ZNF804A: variants seen among roughly 807,000 people sequenced by gnomAD.
The protein encoded by ZNF804A is zinc finger protein 804A.
In ZNF804A, 2 loss-of-function variants were observed where a neutral mutation model predicts 16.5. The ratio of observed to expected loss-of-function variants is 0.12; its 90% CI spans 0.05 to 0.38. The LOEUF (loss-of-function observed/expected upper bound fraction) is 0.38. Ranked by LOEUF, ZNF804A falls within the 10% of genes least tolerant of loss-of-function variation. ZNF804A has a pLI of 0.99. For synonymous variants in ZNF804A, 534 were observed against 489.6 expected, an observed-to-expected ratio of 1.09 and a Z score of -1.20; for missense variants, 1,473 against 1,390.7, an observed-to-expected ratio of 1.06 and a Z score of -0.94.
chr2:184,913,027 G>A (rs1364477346), intron 2 of ZNF804A, among the ~76,000 whole-genome samples: 3 of 151,988 alleles, frequency 2.0e-5, no homozygotes, highest in Non-Finnish European at 4.4e-5. Flanking sequence ...TGAAGATTTA[G>A]CCCTATAATC....
At chr2:184,672,285 G>A (rs1469190402) in intron 1 of ZNF804A, among the ~76,000 whole-genome samples, 2 of 152,178 alleles carry the variant, frequency 1.3e-5, no homozygotes, top group Non-Finnish European at 2.9e-5. Flanking sequence ...AAAGAAAAAT[G>A]AGAAACTGTA....
chr2:184,642,686 C>T (rs1559115460), intron 1 of ZNF804A, among the ~76,000 whole-genome samples: 1 of 152,074 alleles, frequency 6.6e-6, no homozygotes, highest in Non-Finnish European at 1.5e-5. Flanking sequence ...TGGCAACATC[C>T]CCAACTCATT....
intron 2 of ZNF804A, among the ~76,000 whole-genome samples, chr2:184,888,342 C>T (rs1183483117): frequency 6.6e-6 from 1 of 152,126 alleles, no homozygotes. Context: ...CATTTCCATT[C>T]TCTTCCTAGG....
chr2:184,896,367 C>T (rs1402986617), intron 2 of ZNF804A, among the ~76,000 whole-genome samples: 3 of 150,208 alleles, frequency 2.0e-5, no homozygotes, highest in Non-Finnish European at 2.9e-5. Context: ...TCATGTTATA[C>T]TCAGATAGGG....
intron 1 of ZNF804A, among the ~76,000 whole-genome samples, chr2:184,654,540 T>C (rs1017724273): frequency 6.6e-6 from 1 of 152,172 alleles, no homozygotes; most frequent in East Asian, 1.9e-4. Flanking sequence ...ATATTCAATG[T>C]CTCAGTGCCC....
chr2:184,938,028 AAACT>A lies in ZNF804A; in HGVS notation c.2633_2636del (p.Lys878SerfsTer20). ...AGAACAAACAAACCAATTAAGAAAC[AAACT>A]GTCTTTCCACCCTAACAATCTCCTT... is the stretch of plus-strand genomic sequence containing the variant. On this transcript the variant is annotated frameshift_variant, in exon 4 of 4. Coordinates refer to ENST00000302277, the MANE Select transcript of ZNF804A (RefSeq NM_194250.2). LOFTEE classifies it low-confidence loss of function (END_TRUNC). The A allele has an allele frequency of 1.2e-6, 2 of 1,614,080 alleles. No individual in the cohort carries two copies. Among genetic ancestry groups the A allele is most frequent in the Non-Finnish European group, 1.7e-6 (2 of 1,180,004 alleles).
chr2:184,743,659 C>G (rs900435656), intron 1 of ZNF804A, among the ~76,000 whole-genome samples: 5 of 151,464 alleles, frequency 3.3e-5, no homozygotes, highest in African/African-American at 1.2e-4. Context: ...AAAATATAGG[C>G]CTCTTTATTT....
intron 1 of ZNF804A, among the ~76,000 whole-genome samples, chr2:184,655,536 T>C (rs977038707): frequency 6.6e-6 from 1 of 152,186 alleles, no homozygotes; most frequent in Non-Finnish European, 1.5e-5. Flanking sequence ...CTTGGGTCTG[T>C]TTAATAGATT....
At chr2:184,756,391 G>C (rs183384272) in intron 1 of ZNF804A, among the ~76,000 whole-genome samples, 2 of 151,776 alleles carry the variant, frequency 1.3e-5, no homozygotes, top group African/African-American at 4.8e-5. Flanking sequence ...TTAAATTTGC[G>C]TAAATTTTAT....
rs1441080167 is a variant in ZNF804A at position 184,937,886 on chromosome 2, A to G, written c.2490A>G (p.Glu830=). The change falls in exon 4 of 4, where the codon GAA becomes GAG. Residue 830 remains glutamate, a synonymous_variant. Coordinates refer to ENST00000302277, the MANE Select transcript of ZNF804A (RefSeq NM_194250.2). ...GATTTGAAACTTTAGAACTCAAAGA[A>G]AATACAGATTATCCCGTGAAAGACA... ...HPGFETLELK[E]NTDYPVKDNS... The G allele has an allele frequency of 6.2e-7, 1 of 1,614,148 alleles. No homozygotes were observed. Among genetic ancestry groups the G allele is most frequent in the Admixed American group, 1.7e-5 (1 of 59,980 alleles).
intron 1 of ZNF804A, among the ~76,000 whole-genome samples, chr2:184,603,482 A>G (rs1280174110): frequency 6.6e-6 from 1 of 152,160 alleles, no homozygotes; most frequent in African/African-American, 2.4e-5. Flanking sequence ...AGTTTTCATT[A>G]TTGAATATAA....
intron 2 of ZNF804A, among the ~76,000 whole-genome samples, chr2:184,876,451 A>G (rs1558989962): frequency 6.6e-6 from 1 of 151,956 alleles, no homozygotes; most frequent in Non-Finnish European, 1.5e-5. Flanking sequence ...TATTTTAGCC[A>G]TTTAGAACAT....
At chr2:184,787,713 C>T (rs777609222) in intron 1 of ZNF804A, among the ~76,000 whole-genome samples, 1 of 151,458 alleles carries the variant, frequency 6.6e-6, no homozygotes, top group Non-Finnish European at 1.5e-5. Flanking sequence ...GTGCCTTTCT[C>T]GTTGACTTCT....
At chr2:184,731,718 C>T (rs925640155) in intron 1 of ZNF804A, among the ~76,000 whole-genome samples, 16 of 151,758 alleles carry the variant, frequency 1.1e-4, no homozygotes, top group South Asian at 8.4e-4. Context: ...TACAGGCATG[C>T]GCCACACTAC....
At chr2:184,878,159 G>T (rs1684740382) in intron 2 of ZNF804A, among the ~76,000 whole-genome samples, 1 of 152,028 alleles carries the variant, frequency 6.6e-6, no homozygotes. Context: ...CATTAATGTT[G>T]CCAAGAGTTT....
intron 1 of ZNF804A, among the ~76,000 whole-genome samples, chr2:184,806,558 G>A (rs1312404879): frequency 6.6e-6 from 1 of 151,582 alleles, no homozygotes; most frequent in Non-Finnish European, 1.5e-5. Context: ...TAAAATAATA[G>A]GACAAATTGT....
chr2:184,889,151 T>C (rs765670466), intron 2 of ZNF804A, among the ~76,000 whole-genome samples: 13 of 147,494 alleles, frequency 8.8e-5, no homozygotes, highest in Admixed American at 1.3e-4. Context: ...CTTCATGTAT[T>C]TTTTTTTTCT....
chr2:184,892,507 T>C lies in ZNF804A; in HGVS notation c.255+25995T>C, dbSNP rs1038097688. Among the ~76,000 whole-genome samples, 6 of 135,868 alleles carry C rather than the reference T, an allele frequency of 4.4e-5. No homozygotes were observed. In the East Asian group the frequency reaches 9.2e-4, roughly 21 times the overall value. 89.1% of individuals were successfully genotyped at this position (135,868 alleles called of 152,430 possible). ...TCTTTTTTTTTTTTTTTTTTTTTTATGGAGTCTTGCTCTGTTGCCTAGGCT... is the reference window on the plus strand; with the variant it reads ...TCTTTTTTTTTTTTTTTTTTTTTTACGGAGTCTTGCTCTGTTGCCTAGGCT... On this transcript the variant is annotated intron_variant, in intron 2 of 3. Transcript: ENST00000302277.
chr2:184,920,296 G>A (rs1033263587), intron 2 of ZNF804A, among the ~76,000 whole-genome samples: 4 of 152,118 alleles, frequency 2.6e-5, no homozygotes, highest in Non-Finnish European at 4.4e-5. Context: ...TTTAAAACTT[G>A]CAGTTAAAGG....
Sources: gnomAD v4.1 joint callset for allele counts (sites outside exome capture counted in the v4.1 genomes callset) on GRCh38, gnomAD v4.1.1 for gene constraint, MANE v1.5 for transcripts, NCBI Gene and HGNC (gene_info 2026-07-23, HGNC 2026-07-21) for gene names.